PLCB1: variants seen among roughly 807,000 people sequenced by gnomAD.
PLCB1 encodes 1-phosphatidylinositol 4,5-bisphosphate phosphodiesterase beta-1.
PLCB1 carries 46 observed loss-of-function variants against 161.8 expected under a neutral mutation model. That is an observed-to-expected ratio of 0.28 (90% CI 0.22 to 0.36). The LOEUF is 0.36. PLCB1 is among the 10% of genes least tolerant of loss of function. The pLI is 1.00. For synonymous variants in PLCB1, 517 were observed against 503.7 expected, an observed-to-expected ratio of 1.03 and a Z score of -0.35; for missense variants, 1,016 against 1,472.5, an observed-to-expected ratio of 0.69 and a Z score of 5.07.
intron 2 of PLCB1, among the ~76,000 whole-genome samples, chr20:8,320,486 T>C (rs568356998): frequency 2.0e-5 from 3 of 152,310 alleles, no homozygotes; most frequent in African/African-American, 7.2e-5. Flanking sequence ...AATGGCAAGA[T>C]TTGCCCTCAG....
intron 10 of PLCB1, among the ~76,000 whole-genome samples, chr20:8,688,218 T>G (rs1343702930): frequency 6.6e-6 from 1 of 152,232 alleles, no homozygotes; most frequent in East Asian, 1.9e-4. Flanking sequence ...TTGAGTTCAT[T>G]GTAGATTCTG....
chr20:8,737,060 A>G lies in PLCB1; in HGVS notation c.2076A>G (p.Lys692=). ...CAGGTCAGTTTCTTTCTGATAAGAA[A>G]GTTGGGACTTACGTGGAAGTAGATA... ...IISGQFLSDK[K]VGTYVEVDMF... The change falls in exon 20 of 32, where the codon AAA becomes AAG. Residue 692 remains lysine (K), a synonymous_variant. Coordinates refer to ENST00000338037, the MANE Select transcript of PLCB1 (RefSeq NM_015192.4). 1.2e-6 allele frequency: 2 copies of G among 1,613,540 alleles called. No homozygotes were observed. Among genetic ancestry groups the G allele is most frequent in the South Asian group, 2.2e-5 (2 of 91,032 alleles).
intron 4 of PLCB1, among the ~76,000 whole-genome samples, chr20:8,629,851 T>TTCTTTCTC (rs1988488316): frequency 1.0e-5 from 1 of 98,960 alleles, no homozygotes; most frequent in African/African-American, 4.4e-5. Context: ...CTTTCTTTCT[T>TTCTTTCTC]TCTTTCTTTC....
At chr20:8,679,984 G>A (rs1284330477) in intron 9 of PLCB1, among the ~76,000 whole-genome samples, 1 of 152,150 alleles carries the variant, frequency 6.6e-6, no homozygotes, top group Non-Finnish European at 1.5e-5. Context: ...AGAGCTAGAG[G>A]AGACTGAGGC....
At chr20:8,847,196 G>A (rs1041955722) in intron 31 of PLCB1, among the ~76,000 whole-genome samples, 6 of 142,568 alleles carry the variant, frequency 4.2e-5, no homozygotes, top group Non-Finnish European at 6.2e-5. Context: ...CAGACATTCT[G>A]ATTCTGAAGC....
intron 2 of PLCB1, among the ~76,000 whole-genome samples, chr20:8,155,117 A>G (rs1220915378): frequency 6.6e-6 from 1 of 152,108 alleles, no homozygotes; most frequent in Admixed American, 6.6e-5. Flanking sequence ...TGGCCCAAAG[A>G]TCTGTTATGT....
intron 3 of PLCB1, among the ~76,000 whole-genome samples, chr20:8,409,094 A>G (rs1978918626): frequency 6.6e-6 from 1 of 152,266 alleles, no homozygotes; most frequent in East Asian, 1.9e-4. Context: ...ATCCACATTC[A>G]CTTACCATGT....
At chr20:8,456,323 C>T (rs534812142) in intron 3 of PLCB1, among the ~76,000 whole-genome samples, 104 of 152,272 alleles carry the variant, frequency 6.8e-4, no homozygotes, top group African/African-American at 2.5e-3. Flanking sequence ...TGTGCTTGTA[C>T]CCAGCAGTGT....
At chr20:8,793,905 A>G (rs192257857) in intron 31 of PLCB1, among the ~76,000 whole-genome samples, 6 of 152,178 alleles carry the variant, frequency 3.9e-5, no homozygotes, top group Admixed American at 6.5e-5. Context: ...AGAGACAGCT[A>G]TGCCCGGGGG....
At chr20:8,301,592 C>G (rs1983916313) in intron 2 of PLCB1, among the ~76,000 whole-genome samples, 1 of 152,150 alleles carries the variant, frequency 6.6e-6, no homozygotes, top group Non-Finnish European at 1.5e-5. Flanking sequence ...TAGACACATG[C>G]AACTCCTGCT....
intron 3 of PLCB1, among the ~76,000 whole-genome samples, chr20:8,516,050 C>A (rs1175461640): frequency 6.6e-6 from 1 of 152,166 alleles, no homozygotes; most frequent in African/African-American, 2.4e-5. Context: ...ATTGTAAAAC[C>A]ATCAGCTCTT....
rs146690756 is a variant in PLCB1, at chr20:8,296,450, C to T, written c.178-74932C>T. Among the ~76,000 whole-genome samples, 65 of 152,196 alleles carry T rather than the reference C, an allele frequency of 4.3e-4. No individual in the cohort carries two copies. In the East Asian group the frequency reaches 0.01, roughly 24 times the overall value. On this transcript the variant is annotated intron_variant, in intron 2 of 31. Coordinates refer to ENST00000338037, the MANE Select transcript of PLCB1 (RefSeq NM_015192.4). ...GACAAGTATATGCCCTCCAAGAACC[C>T]GAGAGCTCTCTACATTTTGTCTAGC...
At chr20:8,536,378 T>G (rs1306636067) in intron 3 of PLCB1, among the ~76,000 whole-genome samples, 1 of 152,306 alleles carries the variant, frequency 6.6e-6, no homozygotes, top group South Asian at 2.1e-4. Context: ...TGTAGTTCTC[T>G]CTCCTCTCGT....
At chr20:8,407,925 C>A (rs1043052011) in intron 3 of PLCB1, among the ~76,000 whole-genome samples, 1 of 151,980 alleles carries the variant, frequency 6.6e-6, no homozygotes, top group Non-Finnish European at 1.5e-5. Flanking sequence ...TTAAAACAGT[C>A]AAGGTTTTCA....
chr20:8,776,419 T>C (rs2146205903), intron 27 of PLCB1, among the ~76,000 whole-genome samples: 2 of 152,354 alleles, frequency 1.3e-5, no homozygotes, highest in South Asian at 4.1e-4. Flanking sequence ...AATGTCATCA[T>C]AATGAAGGGA....
At chr20:8,758,627 G>A (rs1253032997) in intron 24 of PLCB1, among the ~76,000 whole-genome samples, 1 of 151,916 alleles carries the variant, frequency 6.6e-6, no homozygotes, top group Admixed American at 6.6e-5. Flanking sequence ...GTAAGAAGAT[G>A]ACGTTATAAA....
At chr20:8,134,298 T>TG (rs1288896449) in intron 1 of PLCB1, among the ~76,000 whole-genome samples, 1 of 152,178 alleles carries the variant, frequency 6.6e-6, no homozygotes, top group Non-Finnish European at 1.5e-5. Flanking sequence ...AGAGAGGTGA[T>TG]GTGATGATGG....
chr20:8,370,728 T>C (rs1986877356), intron 2 of PLCB1, among the ~76,000 whole-genome samples: 1 of 152,224 alleles, frequency 6.6e-6, no homozygotes, highest in Admixed American at 6.5e-5. Flanking sequence ...ACTTTAAAAT[T>C]GGCATTAACA....
chr20:8,485,716 A>G (rs1418743048), intron 3 of PLCB1, among the ~76,000 whole-genome samples: 1 of 152,190 alleles, frequency 6.6e-6, no homozygotes, highest in Non-Finnish European at 1.5e-5. Context: ...AATAGGAGCA[A>G]TTCTAATGTT....
Sources: allele counts gnomAD v4.1 joint callset (sites outside exome capture counted in the v4.1 genomes callset), GRCh38; gene constraint gnomAD v4.1.1; transcripts MANE v1.5; gene names NCBI Gene and HGNC (gene_info 2026-07-23, HGNC 2026-07-21).